Variants in ZNF277 observed in about 807,000 individuals in gnomAD.
The protein encoded by ZNF277 is zinc finger protein 277, also known as nuclear receptor-interacting factor 4.
In ZNF277, 55 loss-of-function variants were observed where a neutral mutation model predicts 60.7. The observed-to-expected ratio is 0.91, with a 90% confidence interval of 0.73 to 1.13. ZNF277 has a LOEUF of 1.13. Among genes scored for constraint, ZNF277 ranks in the 50% most tolerant of loss-of-function variants. The pLI, the probability that ZNF277 is intolerant of heterozygous loss-of-function variation, is 0.00. For synonymous variants in ZNF277, 178 were observed against 179.3 expected, an observed-to-expected ratio of 0.99 and a Z score of 0.06; for missense variants, 510 against 523.0, an observed-to-expected ratio of 0.98 and a Z score of 0.24.
intron 1 of ZNF277, among the ~76,000 whole-genome samples, chr7:112,269,615 C>G (rs1218307138): frequency 6.6e-6 from 1 of 152,034 alleles, no homozygotes; most frequent in Non-Finnish European, 1.5e-5. Context: ...TGTAGCACTT[C>G]ACTAAAGAGG....
chr7:112,224,569 G>GGCCA (rs1822127483), intron 1 of ZNF277, among the ~76,000 whole-genome samples: 1 of 152,192 alleles, frequency 6.6e-6, no homozygotes, highest in South Asian at 2.1e-4. Flanking sequence ...GCTGAAGGCA[G>GGCCA]GCCAGGGTAA....
intron 1 of ZNF277, among the ~76,000 whole-genome samples, chr7:112,264,872 T>TA (rs971210203): frequency 6.6e-6 from 1 of 152,230 alleles, no homozygotes; most frequent in Non-Finnish European, 1.5e-5. Flanking sequence ...AAAAAATGCT[T>TA]ACGCTCATCT....
chr7:112,218,861 C>T (rs895770565), intron 1 of ZNF277, among the ~76,000 whole-genome samples: 3 of 152,166 alleles, frequency 2.0e-5, no homozygotes, highest in African/African-American at 7.2e-5. Flanking sequence ...TTTATCTGTT[C>T]ATCCATTGAT....
intron 1 of ZNF277, among the ~76,000 whole-genome samples, chr7:112,242,157 A>G (rs1490556417): frequency 6.6e-6 from 1 of 152,066 alleles, no homozygotes; most frequent in Non-Finnish European, 1.5e-5. Context: ...TTAAAATTTA[A>G]AAAAAGATAA....
At chr7:112,342,092 G>A (rs1455475799) in intron 11 of ZNF277, among the ~76,000 whole-genome samples, 1 of 152,094 alleles carries the variant, frequency 6.6e-6, no homozygotes, top group Non-Finnish European at 1.5e-5. Flanking sequence ...AATAATTTGT[G>A]TTTGAAAAAT....
At chr7:112,269,151 T>C (rs1791611243) in intron 1 of ZNF277, among the ~76,000 whole-genome samples, 2 of 152,146 alleles carry the variant, frequency 1.3e-5, no homozygotes, top group African/African-American at 4.8e-5. Flanking sequence ...AATTTGTTCA[T>C]GATCTTATTC....
chr7:112,315,389 G>C (rs1055128884), intron 4 of ZNF277, among the ~76,000 whole-genome samples: 1 of 151,698 alleles, frequency 6.6e-6, no homozygotes, highest in Non-Finnish European at 1.5e-5. Flanking sequence ...GGGGGAGCCA[G>C]TTGGTGGGTG....
rs529829062 is a variant in ZNF277, at chr7:112,340,942, T to C, written c.1080T>C (p.Tyr360=). Residue 360 remains tyrosine, a synonymous_variant, in exon 11 of 12, where the codon TAT becomes TAC. Transcript: ENST00000361822. The part of the protein sequence containing the change: ...IRRQVHQCRC[Y]GCHVKFKSKA... ...GGCAAGTTCACCAATGCAGATGTTA[T>C]GGCTGCCATGTGAAGTTCAAATCCA... is the stretch of plus-strand genomic sequence containing the variant. 1.4e-5 allele frequency: 23 copies of C among 1,613,232 alleles called. No homozygotes were observed. The African/African-American group carries it at 2.9e-4, about 21-fold the overall frequency.
chr7:112,250,695 A>G lies in ZNF277; in HGVS notation c.92-36178A>G, dbSNP rs560110241. Reference sequence around the variant, plus strand: ...CCCGATAGTTGAGAGTAGTGTTTTCAGGCACCCTGCCCTGATAATGTTTTA... The same window carrying G: ...CCCGATAGTTGAGAGTAGTGTTTTCGGGCACCCTGCCCTGATAATGTTTTA... On this transcript the variant is annotated intron_variant, in intron 1 of 11. Coordinates refer to ENST00000361822, the MANE Select transcript of ZNF277 (RefSeq NM_021994.3). Among the ~76,000 whole-genome samples, 3 of 152,250 alleles carry G rather than the reference A, an allele frequency of 2.0e-5. No individual in the cohort carries two copies. The South Asian group carries it at 6.2e-4, about 32-fold the overall frequency.
At chr7:112,339,349 C>CG (rs1793397071) in intron 9 of ZNF277, among the ~76,000 whole-genome samples, 1 of 152,134 alleles carries the variant, frequency 6.6e-6, no homozygotes, top group African/African-American at 2.4e-5. Flanking sequence ...TATGGAGTCT[C>CG]GCTGTGTCAC....
At chr7:112,280,165 A>G (rs1436035541) in intron 1 of ZNF277, among the ~76,000 whole-genome samples, 2 of 152,152 alleles carry the variant, frequency 1.3e-5, no homozygotes, top group Admixed American at 6.6e-5. Context: ...TCCTCTTGTC[A>G]ATTATGCTCA....
At chr7:112,284,123 G>T (rs1166262382) in intron 1 of ZNF277, among the ~76,000 whole-genome samples, 3 of 152,168 alleles carry the variant, frequency 2.0e-5, no homozygotes, top group Non-Finnish European at 4.4e-5. Flanking sequence ...TGGAAGATTG[G>T]ATTATGGTAG....
chr7:112,335,889 CA>C (rs1793319287), intron 7 of ZNF277, among the ~76,000 whole-genome samples: 1 of 152,130 alleles, frequency 6.6e-6, no homozygotes, highest in Admixed American at 6.6e-5. Context: ...GTTTCAACTT[CA>C]TATTGCTTTT....
rs773600357 is a variant in ZNF277, at chr7:112,287,075, G to A, written c.293+1G>A. The stretch of plus-strand genomic sequence containing the variant: ...TCAAGTTGGTTGCTGATTTCCAAAG[G>A]TAAGTTCTGTTTTTGTCCTTAAAAG... On this transcript the variant is annotated splice_donor_variant, in intron 2 of 11. Transcript: ENST00000361822. LOFTEE classifies it high-confidence loss of function. 6.2e-7 allele frequency: 1 copy of A among 1,613,776 alleles called. No homozygotes were observed.
At chr7:112,294,370 A>G (rs528594180) in intron 2 of ZNF277, among the ~76,000 whole-genome samples, 1 of 152,294 alleles carries the variant, frequency 6.6e-6, no homozygotes, top group Admixed American at 6.5e-5. Context: ...TGGATCCAAT[A>G]TGCACTTGCC....
At chr7:112,298,517 G>T (rs1446806759) in intron 4 of ZNF277, among the ~76,000 whole-genome samples, 1 of 152,250 alleles carries the variant, frequency 6.6e-6, no homozygotes, top group East Asian at 1.9e-4. Context: ...CTAAATTGTG[G>T]AAATCCTTCA....
chr7:112,270,268 T>C (rs1791638932), intron 1 of ZNF277, among the ~76,000 whole-genome samples: 1 of 152,136 alleles, frequency 6.6e-6, no homozygotes, highest in Non-Finnish European at 1.5e-5. Context: ...GTCAGTTTCA[T>C]CAAAATTAAA....
intron 1 of ZNF277, among the ~76,000 whole-genome samples, chr7:112,215,462 A>G (rs528808907): frequency 6.6e-6 from 1 of 152,314 alleles, no homozygotes; most frequent in East Asian, 1.9e-4. Flanking sequence ...ATGGGATACA[A>G]ATGAAGAACC....
intron 6 of ZNF277, 100 bp downstream of exon 6, chr7:112,327,927 GA>G (rs1554495264): frequency 1.3e-6 from 1 of 798,512 alleles, no homozygotes; most frequent in Non-Finnish European, 1.9e-6. Context: ...AAAGAAGTGG[GA>G]ATTTCCCATG....
Sources: allele counts gnomAD v4.1 joint callset (sites outside exome capture counted in the v4.1 genomes callset), GRCh38; gene constraint gnomAD v4.1.1; transcripts MANE v1.5; gene names NCBI Gene and HGNC (gene_info 2026-07-23, HGNC 2026-07-21).